RAP1GAP: variants seen among roughly 807,000 people sequenced by gnomAD.
RAP1GAP encodes rap1 GTPase-activating protein 1.
Under a neutral mutation model 87.2 loss-of-function variants are expected in RAP1GAP, and 35 were observed. The observed-to-expected ratio is 0.40, with a 90% CI of 0.31 to 0.53. The LOEUF (loss-of-function observed/expected upper bound fraction) is 0.53, where lower values mean the gene tolerates loss of function less well. Among genes scored for constraint, RAP1GAP ranks in the 20% least tolerant of loss-of-function variants. The probability of loss-of-function intolerance (pLI) is 0.48; values close to 1 mark genes in which losing one functional copy is unlikely to be tolerated. For missense variants in RAP1GAP, 734 were observed against 898.9 expected (o/e 0.82, Z 2.35); for synonymous variants, 375 against 363.9 (o/e 1.03, Z -0.35).
intron 20 of RAP1GAP, among the ~76,000 whole-genome samples, chr1:21,600,899 A>AAAAAAAAAAAAT (rs2067782368): frequency 6.7e-6 from 1 of 148,700 alleles, no homozygotes; most frequent in Non-Finnish European, 1.5e-5. Context: ...AAAAAAAAAA[A>AAAAAAAAAAAAT]GTCAAAGCTC....
chr1:21,605,944 C>T, intron 18 of RAP1GAP, 122 bp downstream of exon 18: 1 of 1,265,708 alleles, frequency 7.9e-7, no homozygotes, highest in Non-Finnish European at 1.1e-6. Context: ...AAATCCAGAG[C>T]CTAGGATGGG....
At chr1:21,608,739 C>T in intron 16 of RAP1GAP, 111 bp downstream of exon 16, 2 of 1,082,734 alleles carry the variant, frequency 1.8e-6, no homozygotes, top group Non-Finnish European at 2.8e-6. Flanking sequence ...CCCCAGGTGT[C>T]CCCGCTAAGG....
At chr1:21,625,793 G>A (rs780136308) in intron 3 of RAP1GAP, among the ~76,000 whole-genome samples, 1 of 152,148 alleles carries the variant, frequency 6.6e-6, no homozygotes, top group Non-Finnish European at 1.5e-5. Flanking sequence ...GTTTCTGGTC[G>A]CTTGGCACCC....
chr1:21,662,122 C>T (rs1323370229), intron 1 of RAP1GAP, among the ~76,000 whole-genome samples: 1 of 152,196 alleles, frequency 6.6e-6, no homozygotes, highest in Non-Finnish European at 1.5e-5. Flanking sequence ...CCCAGAGCCA[C>T]GTCACACAGG....
chr1:21,621,640 G>A (rs1017960459), intron 3 of RAP1GAP, among the ~76,000 whole-genome samples: 24 of 152,214 alleles, frequency 1.6e-4, no homozygotes, highest in African/African-American at 5.8e-4. Flanking sequence ...CTGAAGTCCA[G>A]GCAGACAAAC....
In RAP1GAP at chr1:21,599,650, CA is replaced by C. The variant is rs749404226; in HGVS notation, c.1653-34del. 4 of 1,585,540 alleles carry C rather than the reference CA, an allele frequency of 2.5e-6. No individual in the cohort carries two copies. In the East Asian group the frequency reaches 6.7e-5, roughly 27 times the overall value. On this transcript the variant is annotated intron_variant, in intron 20 of 24. Transcript: ENST00000374765. Reference sequence around the variant, plus strand: ...AGACAGTGCCCCATTAGCCGGTGTCCACCCCGAGCCCCTCCTGGGCCAGGCC... The same window carrying C: ...AGACAGTGCCCCATTAGCCGGTGTCCCCCCGAGCCCCTCCTGGGCCAGGCC...
Position 21,613,144 on chromosome 1 carries a change from C to T in RAP1GAP, c.528+32G>A. The T allele has an allele frequency of 2.0e-6, 3 of 1,524,732 alleles. No homozygotes were observed. Among genetic ancestry groups the T allele is most frequent in the Non-Finnish European group, 2.7e-6 (3 of 1,098,848 alleles). 94.5% of individuals were successfully genotyped at this position (1,524,732 alleles called of 1,614,324 possible). ...CTCAGTCTTCCAGTTACTCACCCAC[C>T]CTCAGTGAGCTGTGCCCAGATCCAG... On this transcript the variant is annotated intron_variant, in intron 10 of 24. Transcript: ENST00000374765. This position sits in a 1 kb window ranked among gnomAD's most constrained non-coding sequence, Gnocchi z 4.7.
intron 4 of RAP1GAP, among the ~76,000 whole-genome samples, chr1:21,619,461 T>C (rs112200360): frequency 8.6e-5 from 13 of 151,496 alleles, no homozygotes; most frequent in African/African-American, 2.4e-4. Flanking sequence ...ATAGGAGGCA[T>C]TGGAGAGAGA....
intron 1 of RAP1GAP, among the ~76,000 whole-genome samples, chr1:21,665,049 A>G (rs2097294248): frequency 6.6e-6 from 1 of 152,218 alleles, no homozygotes; most frequent in Non-Finnish European, 1.5e-5. Context: ...CTCCCAATCT[A>G]TGTCCTTTTA....
chr1:21,658,441 G>A (rs1287621454), intron 1 of RAP1GAP, among the ~76,000 whole-genome samples: 1 of 152,040 alleles, frequency 6.6e-6, no homozygotes, highest in East Asian at 1.9e-4. Context: ...GGTGGCATGC[G>A]CCTGTAGTCT....
At chr1:21,600,825 C>A (rs925928077) in intron 20 of RAP1GAP, among the ~76,000 whole-genome samples, 1 of 131,644 alleles carries the variant, frequency 7.6e-6, no homozygotes, top group Non-Finnish European at 1.5e-5. Flanking sequence ...GTGGAGCTTG[C>A]AGTGAGCCGA....
At chr1:21,657,478 A>C (rs889559046) in intron 1 of RAP1GAP, among the ~76,000 whole-genome samples, 14 of 152,364 alleles carry the variant, frequency 9.2e-5, no homozygotes, top group South Asian at 6.2e-4. Flanking sequence ...CTGGGAAGAA[A>C]TAAAGGTAGG....
intron 1 of RAP1GAP, among the ~76,000 whole-genome samples, chr1:21,666,448 G>A (rs996897223): frequency 8.5e-5 from 13 of 152,346 alleles, no homozygotes; most frequent in Middle Eastern, 3.4e-3. Context: ...CACCTTCAGA[G>A]ACAGCAAAGG....
rs1211778705 is a variant in RAP1GAP, at chr1:21,622,151, C to A, written c.-18-2101G>T. On this transcript the variant is annotated intron_variant, in intron 3 of 24. Transcript: ENST00000374765. The surrounding 1 kb of genome is among the most constrained non-coding windows in gnomAD (Gnocchi z 5.7). ...GCCACCCGGGAGGCCACAGCAAGAG[C>A]CCCAGGGTCCGGGACCCCAGGGTAG... 6.6e-6 allele frequency among the ~76,000 whole-genome samples: 1 copy of A among 152,186 alleles called. No individual in the cohort carries two copies. Among genetic ancestry groups the A allele is most frequent in the Non-Finnish European group, 1.5e-5 (1 of 68,024 alleles).
intron 2 of RAP1GAP, among the ~76,000 whole-genome samples, chr1:21,641,039 C>T (rs2095473111): frequency 6.7e-6 from 1 of 150,150 alleles, no homozygotes; most frequent in Admixed American, 6.6e-5. Flanking sequence ...TCCTGAGTAG[C>T]TGGGATCACA....
At position 21,606,114 on chromosome 1, in the gene RAP1GAP, G is replaced by A. The variant is rs757457823; in HGVS notation, c.1380C>T (p.Ser460=). The A allele has an allele frequency of 1.2e-5, 19 of 1,587,364 alleles. No individual in the cohort carries two copies. The Middle Eastern group carries it at 6.7e-4, about 56-fold the overall frequency. Reference sequence around the variant, plus strand: ...CGGGGTTGTTGGGCGCGAAGCTCCCGCTGTGGCTGGTGGACACGGTGTTGG... The same window carrying A: ...CGGGGTTGTTGGGCGCGAAGCTCCCACTGTGGCTGGTGGACACGGTGTTGG... The part of the protein sequence containing the change: ...KKPNTVSTSH[S]GSFAPNNPDL... Residue 460 remains serine (S), a synonymous_variant, in exon 18 of 25, where the codon AGC becomes AGT. Transcript: ENST00000374765.
intron 2 of RAP1GAP, among the ~76,000 whole-genome samples, chr1:21,638,563 T>C (rs1423848657): frequency 6.6e-6 from 1 of 152,036 alleles, no homozygotes; most frequent in African/African-American, 2.4e-5. Context: ...TTGGGCTGTG[T>C]CTGTCTGTCC....
At chr1:21,598,271 C>T (rs1042058576) in intron 22 of RAP1GAP, 129 bp downstream of exon 22, 8 of 919,666 alleles carry the variant, frequency 8.7e-6, no homozygotes, top group East Asian at 2.6e-5. Flanking sequence ...ATGACCTGCC[C>T]GCTGTCCTCC....
At position 21,669,145 on chromosome 1, in the gene RAP1GAP, C is replaced by A. The variant is rs2152464179; in HGVS notation, c.-149+109G>T. 1.7e-6 allele frequency: 2 copies of A among 1,157,784 alleles called. No homozygotes were observed. Among genetic ancestry groups the A allele is most frequent in the East Asian group, 9.1e-5 (1 of 10,984 alleles). The allele number at this position is 1,157,784 out of a possible 1,614,324, so 71.7% of individuals were successfully genotyped here. A position where few individuals can be genotyped will look rare whatever the true frequency, so the allele number is the denominator to read the frequency against. On this transcript the variant is annotated intron_variant, in intron 1 of 24. Transcript: ENST00000374765. This position sits in a 1 kb window ranked among gnomAD's most constrained non-coding sequence, Gnocchi z 5.6. ...GGTCCCCCACGCGTTCGCCCCCACCCTCCGTCCCCGCCCGCCCGCGCGGGG... is the reference window on the plus strand; with the variant it reads ...GGTCCCCCACGCGTTCGCCCCCACCATCCGTCCCCGCCCGCCCGCGCGGGG...
Sources: allele counts gnomAD v4.1 joint callset (sites outside exome capture counted in the v4.1 genomes callset), GRCh38; gene constraint gnomAD v4.1.1; non-coding constraint Gnocchi (gnomAD v3.1); transcripts MANE v1.5; gene names NCBI Gene and HGNC (gene_info 2026-07-23, HGNC 2026-07-21).